Variants in JMJD1C observed in about 807,000 individuals in gnomAD.
JMJD1C encodes the protein jumonji domain-containing protein 1C.
A neutral mutation model predicts 245.3 loss-of-function variants in JMJD1C; 31 were observed. The ratio of observed to expected loss-of-function variants is 0.13; its 90% confidence interval spans 0.09 to 0.17. The LOEUF (loss-of-function observed/expected upper bound fraction) is 0.17. JMJD1C is among the 10% of genes least tolerant of loss of function. The probability of loss-of-function intolerance (pLI) is 1.00; values close to 1 mark genes in which losing one functional copy is unlikely to be tolerated. For synonymous variants in JMJD1C, 1,057 were observed against 1,017.4 expected (o/e 1.04, Z -0.74); for missense variants, 2,691 against 3,000.2 (o/e 0.90, Z 2.41).
At chr10:63,329,698 T>C (rs1472739739) in intron 2 of JMJD1C, among the ~76,000 whole-genome samples, 1 of 152,230 alleles carries the variant, frequency 6.6e-6, no homozygotes, top group Non-Finnish European at 1.5e-5. Context: ...ACACATTCAG[T>C]AGAAATCATA....
chr10:63,257,392 T>C (rs1430095638), intron 3 of JMJD1C, among the ~76,000 whole-genome samples: 6 of 152,208 alleles, frequency 3.9e-5, no homozygotes, highest in African/African-American at 7.2e-5. Context: ...CTAGCTTTAG[T>C]TGAATGCCTC....
At chr10:63,431,245 T>C (rs1451528373) in intron 1 of JMJD1C, among the ~76,000 whole-genome samples, 1 of 152,242 alleles carries the variant, frequency 6.6e-6, no homozygotes, top group Admixed American at 6.5e-5. Flanking sequence ...TCAAAACATT[T>C]GGAGGGCAAC....
At chr10:63,490,193 C>T (rs1954123283) in intron 1 of JMJD1C, among the ~76,000 whole-genome samples, 5 of 152,132 alleles carry the variant, frequency 3.3e-5, no homozygotes, top group Admixed American at 2.0e-4. Flanking sequence ...AAGCTGTCTC[C>T]AACCTGAGCC....
At position 63,219,906 on chromosome 10, in the gene JMJD1C, T is replaced by C; in HGVS notation, c.525A>G (p.Glu175=). The C allele has an allele frequency of 6.2e-7, 1 of 1,613,686 alleles. No homozygotes were observed. The highest frequency in any genetic ancestry group is 2.2e-5 in the East Asian group (1 of 44,856). The change falls in exon 4 of 26, where the codon GAA becomes GAG. Residue 175 remains glutamate, a synonymous_variant. Transcript: ENST00000399262. Reference sequence around the variant, plus strand: ...GCATAAAAATCTCCTGAACCTTTTGTTCCTTTACCCAGACTTTCACTTCCT... The same window carrying C: ...GCATAAAAATCTCCTGAACCTTTTGCTCCTTTACCCAGACTTTCACTTCCT... ...LHEEVKVWVK[E]QKVQEIFMQG... is the part of the protein sequence containing the mutation.
chr10:63,429,477 C>T (rs771517172), intron 1 of JMJD1C, among the ~76,000 whole-genome samples: 16 of 152,174 alleles, frequency 1.1e-4, no homozygotes, highest in Admixed American at 3.3e-4. Context: ...TTAGTCACAG[C>T]CCCTAACATG....
intron 2 of JMJD1C, among the ~76,000 whole-genome samples, chr10:63,267,878 T>A (rs898568386): frequency 6.6e-6 from 1 of 152,130 alleles, no homozygotes; most frequent in Non-Finnish European, 1.5e-5. Flanking sequence ...AGAACAACTG[T>A]ATCCTGTTTG....
intron 1 of JMJD1C, among the ~76,000 whole-genome samples, chr10:63,423,695 T>C (rs1358822612): frequency 6.6e-6 from 1 of 152,220 alleles, no homozygotes; most frequent in East Asian, 1.9e-4. Context: ...TAATTCCATG[T>C]TTAGCTTTTC....
chr10:63,276,373 G>T (rs1242888646), intron 2 of JMJD1C, among the ~76,000 whole-genome samples: 1 of 151,416 alleles, frequency 6.6e-6, no homozygotes, highest in East Asian at 1.9e-4. Flanking sequence ...GGCTGAAGCA[G>T]GAGAATGGCG....
intron 2 of JMJD1C, among the ~76,000 whole-genome samples, chr10:63,333,346 G>A (rs1468286645): frequency 6.6e-6 from 1 of 152,064 alleles, no homozygotes; most frequent in Non-Finnish European, 1.5e-5. Context: ...CTTGAACTTA[G>A]GAGTTGGAGA....
In JMJD1C at chr10:63,213,477, C is replaced by A. The variant is rs532717116; in HGVS notation, c.2690G>T (p.Arg897Met). Residue 897 changes from arginine (R) to methionine (M), a missense_variant, in exon 8 of 26, where the codon AGG becomes ATG. Transcript: ENST00000399262. ...GCAAACTACAGTGTAACTTACCCTC[C>A]TTAATGAAGCTTCAGCATTAACTGC... The part of the protein sequence containing the change: ...ENAVNAEASL[R>M]RNSPSPWLHQ... 1 of 1,579,706 alleles carries A rather than the reference C, an allele frequency of 6.3e-7. No individual in the cohort carries two copies. Among genetic ancestry groups the A allele is most frequent in the Non-Finnish European group, 8.7e-7 (1 of 1,153,480 alleles).
chr10:63,501,559 C>T (rs568233621), intron 1 of JMJD1C, among the ~76,000 whole-genome samples: 3 of 152,164 alleles, frequency 2.0e-5, no homozygotes, highest in South Asian at 4.2e-4. Context: ...GGGTGATTCA[C>T]GAGGTCAGGA....
At chr10:63,431,472 A>C (rs1950741943) in intron 1 of JMJD1C, among the ~76,000 whole-genome samples, 2 of 152,214 alleles carry the variant, frequency 1.3e-5, no homozygotes, top group South Asian at 4.1e-4. Flanking sequence ...TCAAGTTGTA[A>C]ATACAGTATC....
chr10:63,324,418 T>C lies in JMJD1C; in HGVS notation c.333+55900A>G, dbSNP rs145593588. 2.4e-3 allele frequency among the ~76,000 whole-genome samples: 366 copies of C among 152,206 alleles called. 3 individuals are homozygous for C. In the South Asian group the frequency reaches 0.029, roughly 12 times the overall value. Reference sequence around the variant, plus strand: ...AACTAAGATTCTGTGGAGGAGATAATAGTACAAAGTTAGGCCCTTGCTCCA... The same window carrying C: ...AACTAAGATTCTGTGGAGGAGATAACAGTACAAAGTTAGGCCCTTGCTCCA... On this transcript the variant is annotated intron_variant, in intron 2 of 25. Coordinates refer to ENST00000399262, the MANE Select transcript of JMJD1C (RefSeq NM_032776.3).
At chr10:63,396,207 T>C (rs1948475903) in intron 1 of JMJD1C, among the ~76,000 whole-genome samples, 1 of 152,144 alleles carries the variant, frequency 6.6e-6, no homozygotes, top group Non-Finnish European at 1.5e-5. Flanking sequence ...ACAGAGAGAT[T>C]ATACTATACA....
rs772812493 is a variant in JMJD1C at position 63,214,034 on chromosome 10, A to G, written c.2133T>C (p.Phe711=). The change falls in exon 8 of 26, where the codon TTT becomes TTC. Residue 711 remains phenylalanine (F), a synonymous_variant. Transcript: ENST00000399262. Reference sequence around the variant, plus strand: ...TAAGTGCAGGATCTCTGTAAACTGTAAAATGCTCATTTTTATCAATGATAA... The same window carrying G: ...TAAGTGCAGGATCTCTGTAAACTGTGAAATGCTCATTTTTATCAATGATAA... ...SPLIIDKNEH[F]TVYRDPALIG... The G allele has an allele frequency of 4.3e-6, 7 of 1,614,202 alleles. No homozygotes were observed. In the East Asian group the frequency reaches 1.6e-4, roughly 36 times the overall value.
At position 63,214,857 on chromosome 10, in the gene JMJD1C, A is replaced by G. The variant is rs1308122201; in HGVS notation, c.1310T>C (p.Ile437Thr). Residue 437 changes from isoleucine (I) to threonine (T), a missense_variant, in exon 8 of 26, where the codon ATA (isoleucine) becomes ACA (threonine). Transcript: ENST00000399262. ...LKNSQPPWDQ[I>T]QEDKKHEEAE... ...TTCTTCATGTTTTTTATCTTCCTGT[A>G]TTTGATCCCAGGGAGGCTGGCTATT... 3.7e-6 allele frequency: 6 copies of G among 1,613,764 alleles called. No individual in the cohort carries two copies. Among genetic ancestry groups the G allele is most frequent in the African/African-American group, 2.7e-5 (2 of 74,856 alleles).
chr10:63,470,294 G>C (rs1488230557), upstream of JMJD1C, among the ~76,000 whole-genome samples: 1 of 150,318 alleles, frequency 6.7e-6, no homozygotes, highest in Non-Finnish European at 1.5e-5. Context: ...AATGAATATA[G>C]CAAAATGTAC....
intron 2 of JMJD1C, among the ~76,000 whole-genome samples, chr10:63,298,356 A>G (rs1026230942): frequency 1.3e-5 from 2 of 152,168 alleles, no homozygotes; most frequent in African/African-American, 4.8e-5. Flanking sequence ...AAACAGGACC[A>G]TGTCTCCTCT....
intron 10 of JMJD1C, chr10:63,203,916 A>G (rs1227741383): frequency 3.8e-5 from 37 of 976,856 alleles, no homozygotes; most frequent in Non-Finnish European, 4.3e-5. Context: ...AAGAAAATAG[A>G]CATTATTTAA....
Sources: allele counts gnomAD v4.1 joint callset (sites outside exome capture counted in the v4.1 genomes callset), GRCh38; gene constraint gnomAD v4.1.1; transcripts MANE v1.5; gene names NCBI Gene and HGNC (gene_info 2026-07-23, HGNC 2026-07-21).